Variants in KLHL4 observed in about 807,000 individuals in gnomAD.
The protein encoded by KLHL4 is kelch-like protein 4.
A neutral mutation model predicts 45.8 loss-of-function variants in KLHL4; 17 were observed. The observed-to-expected ratio is 0.37, with a 90% confidence interval of 0.25 to 0.56. The LOEUF (loss-of-function observed/expected upper bound fraction) is 0.56, where lower values mean the gene tolerates loss of function less well. Ranked by LOEUF, KLHL4 falls within the 20% of genes least tolerant of loss-of-function variation. KLHL4 has a pLI of 0.79. For synonymous variants in KLHL4, 224 were observed against 189.9 expected (o/e 1.18, Z -1.47); for missense variants, 544 against 544.9 (o/e 1.00, Z 0.02).
chrX:87,623,364 G>A (rs1922822189), intron 5 of KLHL4, among the ~76,000 whole-genome samples: 1 of 93,826 alleles, frequency 1.1e-5, no homozygotes, highest in Admixed American at 1.3e-4. Flanking sequence ...GGCTATCTCG[G>A]CTCACGGCAA....
At chrX:87,548,634 G>A (rs1435227241) in intron 1 of KLHL4, among the ~76,000 whole-genome samples, 3 of 110,612 alleles carry the variant, frequency 2.7e-5, no homozygotes, top group Admixed American at 1.9e-4. Flanking sequence ...GGGGGATGAA[G>A]TTAAGGTGGG....
chrX:87,580,104 T>G (rs1327972612), intron 1 of KLHL4, among the ~76,000 whole-genome samples: 1 of 111,316 alleles, frequency 9.0e-6, no homozygotes, highest in Non-Finnish European at 1.9e-5. Context: ...GAAGTAAATA[T>G]GTAGAGTTTT....
chrX:87,562,538 T>A (rs1396172142), intron 1 of KLHL4, among the ~76,000 whole-genome samples: 1 of 94,629 alleles, frequency 1.1e-5, no homozygotes, highest in East Asian at 4.3e-4. Flanking sequence ...GAGGAAAGGA[T>A]AGGGAAGAGT....
intron 6 of KLHL4, among the ~76,000 whole-genome samples, chrX:87,627,520 G>C (rs935340170): frequency 1.8e-5 from 2 of 111,454 alleles, no homozygotes; most frequent in African/African-American, 6.5e-5. Flanking sequence ...GATTTGTAGG[G>C]TTACTTCAAG....
chrX:87,592,313 C>A (rs1458023325), intron 1 of KLHL4, among the ~76,000 whole-genome samples: 6 of 111,790 alleles, frequency 5.4e-5, no homozygotes, highest in Non-Finnish European at 1.1e-4. Flanking sequence ...ACAGTGATGC[C>A]ATAAACATGG....
intron 1 of KLHL4, among the ~76,000 whole-genome samples, chrX:87,594,113 T>G (rs1921762566): frequency 9.0e-6 from 1 of 111,279 alleles, no homozygotes. Flanking sequence ...ACAATTGTAT[T>G]TGATAGTTTT....
chrX:87,583,617 G>A (rs963137608), intron 1 of KLHL4, among the ~76,000 whole-genome samples: 11 of 111,419 alleles, frequency 9.9e-5, no homozygotes, highest in African/African-American at 3.3e-4. Context: ...CCTAGCCCTG[G>A]CAGTATTCAC....
chrX:87,547,708 C>G (rs771131415), intron 1 of KLHL4, among the ~76,000 whole-genome samples: 4 of 110,464 alleles, frequency 3.6e-5, no homozygotes, highest in Non-Finnish European at 7.6e-5. Context: ...GTAGTCCTAG[C>G]TACTCAGGAG....
chrX:87,563,076 A>G (rs968170693), intron 1 of KLHL4, among the ~76,000 whole-genome samples: 3 of 111,472 alleles, frequency 2.7e-5, no homozygotes, highest in African/African-American at 9.8e-5. Context: ...TTCCTAATAC[A>G]GATATGGCTG....
rs1922487008 is a variant in KLHL4, at chrX:87,614,443, C to T, written c.600C>T (p.Leu200=). The change falls in exon 3 of 11, where the codon CTC becomes CTT. Residue 200 remains leucine, a synonymous_variant. Coordinates refer to ENST00000373119, the MANE Select transcript of KLHL4 (RefSeq NM_019117.5). ...HLRIPAHRLV[L]SAVSDYFAAM... is the part of the protein sequence containing the mutation. ...TATTTCCTATTTCCAGGTTGGTTCTCAGCGCAGTGTCTGATTATTTTGCTG... is the reference window on the plus strand; with the variant it reads ...TATTTCCTATTTCCAGGTTGGTTCTTAGCGCAGTGTCTGATTATTTTGCTG... 1 of 1,207,278 alleles carries T rather than the reference C, an allele frequency of 8.3e-7. No homozygotes were observed. Among genetic ancestry groups the T allele is most frequent in the Non-Finnish European group, 1.1e-6 (1 of 892,688 alleles).
intron 1 of KLHL4, among the ~76,000 whole-genome samples, chrX:87,607,834 A>C (rs960264872): frequency 6.3e-5 from 7 of 111,451 alleles, no homozygotes; most frequent in Non-Finnish European, 1.3e-4. Context: ...TCCTAATAAC[A>C]TGCATTCTTT....
intron 1 of KLHL4, among the ~76,000 whole-genome samples, chrX:87,594,069 G>A (rs886273566): frequency 9.0e-6 from 1 of 110,721 alleles, no homozygotes; most frequent in Non-Finnish European, 1.9e-5. Context: ...AGTATTGAAG[G>A]CCATATTTAA....
chrX:87,667,142 A>G lies in KLHL4; in HGVS notation c.*608A>G, dbSNP rs769358487. 5 of 751,597 alleles carry G rather than the reference A, an allele frequency of 6.7e-6. No homozygotes were observed. The highest frequency in any genetic ancestry group is 3.0e-4 in the East Asian group (2 of 6,575). The allele number at this position is 751,597 out of a possible 1,213,427, so 61.9% of individuals were successfully genotyped here. A position where few individuals can be genotyped will look rare whatever the true frequency, so the allele number is the denominator to read the frequency against. On this transcript the variant is annotated 3_prime_UTR_variant, in exon 11 of 11. Transcript: ENST00000373119. ...TTGTTATGTTGATCGCGGTATGTCA[A>G]AATTTTTACAGGTTTGCTCATCTGC...
intron 1 of KLHL4, among the ~76,000 whole-genome samples, chrX:87,572,770 T>A (rs1292299733): frequency 9.7e-6 from 1 of 103,122 alleles, no homozygotes. Context: ...ATTGTGCACA[T>A]GTACCCTAAA....
intron 5 of KLHL4, among the ~76,000 whole-genome samples, chrX:87,624,279 A>G (rs222070): frequency 0.38 from 41,607 of 110,923 alleles, 5,969 homozygotes; most frequent in Middle Eastern, 0.46. Flanking sequence ...TCCTGATCGT[A>G]GTAGTGATAG....
At chrX:87,519,174 C>A (rs1264479094) in intron 1 of KLHL4, among the ~76,000 whole-genome samples, 2 of 111,591 alleles carry the variant, frequency 1.8e-5, no homozygotes, top group Non-Finnish European at 3.8e-5. Flanking sequence ...TTTTTATAGT[C>A]CCAACGTGTT....
intron 1 of KLHL4, among the ~76,000 whole-genome samples, chrX:87,601,463 C>T (rs1922014018): frequency 9.0e-6 from 1 of 111,663 alleles, no homozygotes; most frequent in African/African-American, 3.3e-5. Context: ...TTTCCCTTAC[C>T]AGTGGACTGT....
intron 3 of KLHL4, 67 bp from the exon 4 acceptor site, chrX:87,617,865 C>A: frequency 3.2e-6 from 3 of 934,914 alleles, no homozygotes; most frequent in South Asian, 2.7e-5. Context: ...AAAAAAATGT[C>A]AACTAGTTGA....
intron 10 of KLHL4, among the ~76,000 whole-genome samples, chrX:87,665,669 G>A (rs1307854135): frequency 9.0e-6 from 1 of 111,514 alleles, no homozygotes; most frequent in East Asian, 2.8e-4. Flanking sequence ...AAAATATAAA[G>A]TATGATTAAC....
Sources: gnomAD v4.1 joint callset for allele counts (sites outside exome capture counted in the v4.1 genomes callset) on GRCh38, gnomAD v4.1.1 for gene constraint, MANE v1.5 for transcripts, NCBI Gene and HGNC (gene_info 2026-07-23, HGNC 2026-07-21) for gene names.